Variants in KIF6 observed in about 807,000 individuals in gnomAD.
KIF6 encodes the protein kinesin-like protein KIF6.
Under a neutral mutation model 112.7 loss-of-function variants are expected in KIF6, and 106 were observed. The ratio of observed to expected loss-of-function variants is 0.94; its 90% CI spans 0.80 to 1.11. The LOEUF is 1.11. KIF6 is among the 50% of genes least tolerant of loss of function. The probability of loss-of-function intolerance (pLI) is 0.00; values close to 1 mark genes in which losing one functional copy is unlikely to be tolerated. For missense variants in KIF6, 929 were observed against 964.0 expected (o/e 0.96, Z 0.48); for synonymous variants, 339 against 339.9 (o/e 1.00, Z 0.03).
chr6:39,516,844 A>G (rs1389897121), intron 13 of KIF6, among the ~76,000 whole-genome samples: 1 of 152,160 alleles, frequency 6.6e-6, no homozygotes, highest in Non-Finnish European at 1.5e-5. Flanking sequence ...CCAGCTAACT[A>G]TGGTTGGTTC....
intron 13 of KIF6, among the ~76,000 whole-genome samples, chr6:39,447,527 G>A (rs1378422213): frequency 6.6e-6 from 1 of 152,064 alleles, no homozygotes; most frequent in East Asian, 1.9e-4. Flanking sequence ...GGTACCAAAT[G>A]GAAGGTTAAA....
intron 13 of KIF6, among the ~76,000 whole-genome samples, chr6:39,512,552 A>C (rs1181464456): frequency 6.6e-6 from 1 of 152,166 alleles, no homozygotes; most frequent in Non-Finnish European, 1.5e-5. Context: ...AATTCCCAGC[A>C]GTGAGCCTAG....
At chr6:39,703,454 G>T (rs1050170503) in intron 3 of KIF6, among the ~76,000 whole-genome samples, 1 of 152,042 alleles carries the variant, frequency 6.6e-6, no homozygotes, top group Non-Finnish European at 1.5e-5. Context: ...AACCCATAGG[G>T]TCATTATAAA....
At chr6:39,715,559 A>G (rs1002385572) in intron 2 of KIF6, among the ~76,000 whole-genome samples, 1 of 145,800 alleles carries the variant, frequency 6.9e-6, no homozygotes, top group African/African-American at 2.5e-5. Flanking sequence ...GCTGGAGTGC[A>G]GTGGCGCTAT....
intron 13 of KIF6, among the ~76,000 whole-genome samples, chr6:39,534,867 G>A (rs1417772100): frequency 6.6e-6 from 1 of 152,196 alleles, no homozygotes; most frequent in African/African-American, 2.4e-5. Context: ...AGATCTCTTG[G>A]CAGAAATTCT....
At chr6:39,595,921 A>ATTT in intron 7 of KIF6, 133 bp downstream of exon 7, 1 of 659,948 alleles carries the variant, frequency 1.5e-6, no homozygotes, top group Non-Finnish European at 2.5e-6. Context: ...CTTAAAAATG[A>ATTT]TTAAAATGGC....
chr6:39,701,869 A>G (rs1788896990), intron 3 of KIF6, among the ~76,000 whole-genome samples: 1 of 152,192 alleles, frequency 6.6e-6, no homozygotes, highest in African/African-American at 2.4e-5. Flanking sequence ...CACAACTATT[A>G]TTTTGCTTTT....
At chr6:39,617,433 AC>A (rs1402394372) in intron 5 of KIF6, among the ~76,000 whole-genome samples, 1 of 152,176 alleles carries the variant, frequency 6.6e-6, no homozygotes, top group African/African-American at 2.4e-5. Context: ...CTGAAAAGGA[AC>A]TTCCCAGCCA....
intron 13 of KIF6, among the ~76,000 whole-genome samples, chr6:39,432,437 C>CT (rs1470047219): frequency 6.6e-6 from 1 of 152,230 alleles, no homozygotes; most frequent in Non-Finnish European, 1.5e-5. Flanking sequence ...AAAAAACTCT[C>CT]TGAGTCCCAT....
chr6:39,435,587 C>A (rs1194040534), intron 13 of KIF6, among the ~76,000 whole-genome samples: 2 of 150,884 alleles, frequency 1.3e-5, no homozygotes, highest in Non-Finnish European at 2.9e-5. Context: ...AATTTGCATA[C>A]CCATAGCTTA....
rs1316405042 is a variant in KIF6, at chr6:39,469,921, AG to A, written c.1646-38761del. ...CTAGGGAAAAGATCAATAAGGAAATAGGGAACTTGAACAACACTATATGCCA... is the reference window on the plus strand; with the variant it reads ...CTAGGGAAAAGATCAATAAGGAAATAGGAACTTGAACAACACTATATGCCA... On this transcript the variant is annotated intron_variant, in intron 13 of 22. Transcript: ENST00000287152. 3.3e-5 allele frequency among the ~76,000 whole-genome samples: 5 copies of A among 152,336 alleles called. No individual in the cohort carries two copies. In the East Asian group the frequency reaches 9.6e-4, roughly 29 times the overall value.
intron 13 of KIF6, among the ~76,000 whole-genome samples, chr6:39,531,239 T>C (rs1194279770): frequency 1.3e-5 from 2 of 152,248 alleles, no homozygotes; most frequent in South Asian, 2.1e-4. Flanking sequence ...CTTTTTTCAA[T>C]GATTTTCTAT....
rs764761617 is a variant in KIF6 at position 39,346,541 on chromosome 6, C to T, written c.2181-15G>A. The T allele has an allele frequency of 1.3e-5, 9 of 702,926 alleles. No individual in the cohort carries two copies. The highest frequency in any genetic ancestry group is 6.2e-5 in the South Asian group (4 of 64,472). The allele number at this position is 702,926 out of a possible 1,614,324, so 43.5% of individuals were successfully genotyped here. On this transcript the variant is annotated splice_polypyrimidine_tract_variant and intron_variant, in intron 19 of 22. Transcript: ENST00000287152. Reference sequence around the variant, plus strand: ...AGCCTCCAGAACTGTGAAAAATAAACGTTTGTTGTTTGAGCCACTCAGTCT... The same window carrying T: ...AGCCTCCAGAACTGTGAAAAATAAATGTTTGTTGTTTGAGCCACTCAGTCT...
At chr6:39,575,560 ACG>A (rs1561826876) in intron 10 of KIF6, among the ~76,000 whole-genome samples, 1 of 151,936 alleles carries the variant, frequency 6.6e-6, no homozygotes, top group African/African-American at 2.4e-5. Context: ...GTGAGCCACC[ACG>A]CCCGGCTGCT....
intron 3 of KIF6, chr6:39,691,865 G>A (rs879022459): frequency 3.3e-5 from 5 of 152,196 alleles, no homozygotes; most frequent in Admixed American, 3.3e-4. Flanking sequence ...CTGTAGGACT[G>A]AGATAGAAAA....
chr6:39,399,504 G>A (rs1463707802), intron 15 of KIF6, among the ~76,000 whole-genome samples: 1 of 152,236 alleles, frequency 6.6e-6, no homozygotes, highest in African/African-American at 2.4e-5. Context: ...GGAACAAGTT[G>A]TTGGTCACTG....
chr6:39,640,464 G>T (rs1264907961), intron 3 of KIF6, among the ~76,000 whole-genome samples: 1 of 151,994 alleles, frequency 6.6e-6, no homozygotes, highest in Non-Finnish European at 1.5e-5. Flanking sequence ...TATGCTACAT[G>T]GAACAGTAAA....
intron 6 of KIF6, among the ~76,000 whole-genome samples, chr6:39,609,292 T>C (rs1783072680): frequency 6.6e-6 from 1 of 152,136 alleles, no homozygotes; most frequent in South Asian, 2.1e-4. Context: ...GACCCCGGAC[T>C]TTCCCAAAGT....
chr6:39,359,532 CA>C (rs919478240), intron 18 of KIF6, among the ~76,000 whole-genome samples: 3 of 152,048 alleles, frequency 2.0e-5, no homozygotes, highest in African/African-American at 7.2e-5. Flanking sequence ...CCATGCTATA[CA>C]ATTAATTTTT....
Sources: gnomAD v4.1 joint callset for allele counts (sites outside exome capture counted in the v4.1 genomes callset) on GRCh38, gnomAD v4.1.1 for gene constraint, MANE v1.5 for transcripts, NCBI Gene and HGNC (gene_info 2026-07-23, HGNC 2026-07-21) for gene names.